Variants in RBM17 observed in about 807,000 individuals in gnomAD.
RBM17 encodes the protein splicing factor 45.
In RBM17, 7 loss-of-function variants were observed where a neutral mutation model predicts 53.2. The ratio of observed to expected loss-of-function variants is 0.13; its 90% CI spans 0.07 to 0.25. RBM17 has a LOEUF of 0.25. Among genes scored for constraint, RBM17 ranks in the 10% least tolerant of loss-of-function variants. RBM17 has a pLI of 1.00. For missense variants in RBM17, 257 were observed against 496.7 expected (o/e 0.52, Z 4.59); for synonymous variants, 167 against 178.1 (o/e 0.94, Z 0.50).
chr10:6,103,950 G>T (rs1028829505), intron 3 of RBM17, among the ~76,000 whole-genome samples: 9 of 152,176 alleles, frequency 5.9e-5, no homozygotes, highest in Admixed American at 3.3e-4. Flanking sequence ...AATCCTTGTT[G>T]TTTTGCATGT....
chr10:6,112,580 A>AT lies in RBM17; in HGVS notation c.856+225dup, dbSNP rs1232780512. The AT allele has an allele frequency of 3.5e-6, 2 of 574,992 alleles. No individual in the cohort carries two copies. Among genetic ancestry groups the AT allele is most frequent in the Non-Finnish European group, 6.3e-6 (2 of 319,442 alleles). The allele number at this position is 574,992 out of a possible 1,614,324, so 35.6% of individuals were successfully genotyped here. A position where few individuals can be genotyped will look rare whatever the true frequency, so the allele number is the denominator to read the frequency against. On this transcript the variant is annotated intron_variant, in intron 8 of 11. Transcript: ENST00000379888. The surrounding 1 kb of genome is among the most constrained non-coding windows in gnomAD (Gnocchi z 4.4). ...ACCAGGAATCCTGAGGCTCATCTTT[A>AT]TTTTTTCAGAACAGACGTAGAGAGA...
At chr10:6,109,965 T>C in intron 6 of RBM17, 21 bp from the exon 7 acceptor site, 1 of 1,589,446 alleles carries the variant, frequency 6.3e-7, no homozygotes, top group Non-Finnish European at 8.6e-7. Context: ...TTGGTGAGCC[T>C]ACTTTATTTT....
chr10:6,101,687 C>T (rs1468496681), intron 3 of RBM17, among the ~76,000 whole-genome samples: 2 of 152,142 alleles, frequency 1.3e-5, no homozygotes, highest in Admixed American at 6.5e-5. Flanking sequence ...CCTACTCCAC[C>T]TTCTGCTAAC....
At chr10:6,093,730 G>A (rs959762645) in intron 1 of RBM17, among the ~76,000 whole-genome samples, 101 of 152,232 alleles carry the variant, frequency 6.6e-4, no homozygotes, top group African/African-American at 2.4e-3. Flanking sequence ...AAAATGCTTG[G>A]GACCAGAAGT....
chr10:6,092,878 A>G (rs1380565089), intron 1 of RBM17, among the ~76,000 whole-genome samples: 3 of 152,264 alleles, frequency 2.0e-5, no homozygotes, highest in Non-Finnish European at 4.4e-5. Context: ...TTAAATGAGC[A>G]TGAGATTTGC....
intron 2 of RBM17, among the ~76,000 whole-genome samples, chr10:6,101,040 A>G (rs1840662439): frequency 6.6e-6 from 1 of 152,218 alleles, no homozygotes; most frequent in African/African-American, 2.4e-5. Context: ...GAAAGTGACT[A>G]AGTTTACTGT....
At chr10:6,098,762 A>T (rs932859808) in intron 2 of RBM17, among the ~76,000 whole-genome samples, 12 of 152,062 alleles carry the variant, frequency 7.9e-5, no homozygotes, top group African/African-American at 2.4e-4. Flanking sequence ...GTAAGCCAGG[A>T]TGGTCTCGAT....
chr10:6,096,218 G>A (rs184691651), intron 1 of RBM17, among the ~76,000 whole-genome samples: 3 of 152,180 alleles, frequency 2.0e-5, no homozygotes, highest in Admixed American at 1.3e-4. Context: ...GTTCACTGGC[G>A]AGGGCTCTGG....
At chr10:6,096,413 C>T (rs1454859472) in intron 1 of RBM17, among the ~76,000 whole-genome samples, 5 of 152,260 alleles carry the variant, frequency 3.3e-5, no homozygotes, top group Middle Eastern at 3.4e-3. Context: ...CTGTTCTGCA[C>T]GGAAGCTGTG....
chr10:6,095,530 G>A (rs1438631091), intron 1 of RBM17, among the ~76,000 whole-genome samples: 1 of 152,106 alleles, frequency 6.6e-6, no homozygotes, highest in Non-Finnish European at 1.5e-5. Context: ...TCATTCTTAT[G>A]TGATTCATTT....
chr10:6,106,386 G>A (rs560854182), intron 5 of RBM17, 148 bp downstream of exon 5: 43 of 589,374 alleles, frequency 7.3e-5, no homozygotes, highest in South Asian at 4.4e-4. Context: ...ACACATTTGC[G>A]TCACAGTTTT....
chr10:6,091,113 G>A (rs1840478386), intron 1 of RBM17, among the ~76,000 whole-genome samples: 1 of 150,678 alleles, frequency 6.6e-6, no homozygotes, highest in Non-Finnish European at 1.5e-5. Flanking sequence ...AGGCTGGAGT[G>A]CAGCGGTGTA....
At chr10:6,092,610 C>T (rs1840503194) in intron 1 of RBM17, among the ~76,000 whole-genome samples, 1 of 152,014 alleles carries the variant, frequency 6.6e-6, no homozygotes. Context: ...GTGCTTGCAG[C>T]ATTATAATAA....
chr10:6,107,403 C>T (rs1411781304), intron 5 of RBM17, among the ~76,000 whole-genome samples: 1 of 150,572 alleles, frequency 6.6e-6, no homozygotes, highest in African/African-American at 2.4e-5. Context: ...GTCTCAAACT[C>T]CTGACGTCAA....
chr10:6,111,571 C>A (rs138416926), intron 7 of RBM17, among the ~76,000 whole-genome samples: 51 of 152,262 alleles, frequency 3.3e-4, no homozygotes, highest in African/African-American at 1.1e-3. Context: ...AACTCCTGAC[C>A]TCAGGTGATC....
At chr10:6,098,252 G>A (rs1241199388) in intron 2 of RBM17, among the ~76,000 whole-genome samples, 4 of 152,128 alleles carry the variant, frequency 2.6e-5, no homozygotes, top group Non-Finnish European at 5.9e-5. Context: ...CTCGTGTTGT[G>A]CACAGTGTAT....
At chr10:6,099,730 C>T (rs1303709037) in intron 2 of RBM17, among the ~76,000 whole-genome samples, 1 of 152,016 alleles carries the variant, frequency 6.6e-6, no homozygotes, top group African/African-American at 2.4e-5. Flanking sequence ...AGAGGGCCAA[C>T]TCTATATTGA....
At chr10:6,094,411 A>G (rs1342980163) in intron 1 of RBM17, among the ~76,000 whole-genome samples, 1 of 151,322 alleles carries the variant, frequency 6.6e-6, no homozygotes, top group African/African-American at 2.5e-5. Flanking sequence ...TGAGTTGCAA[A>G]CAAATTTTGA....
intron 1 of RBM17, among the ~76,000 whole-genome samples, chr10:6,091,117 C>T (rs1482675277): frequency 2.0e-5 from 3 of 150,670 alleles, no homozygotes; most frequent in African/African-American, 7.3e-5. Context: ...TGGAGTGCAG[C>T]GGTGTAAGTC....
Sources: allele counts gnomAD v4.1 joint callset (sites outside exome capture counted in the v4.1 genomes callset), GRCh38; gene constraint gnomAD v4.1.1; non-coding constraint Gnocchi (gnomAD v3.1); transcripts MANE v1.5; gene names NCBI Gene and HGNC (gene_info 2026-07-23, HGNC 2026-07-21).